The following IDI1 variants were observed in gnomAD, a reference collection of about 807,000 sequenced individuals.
The protein encoded by IDI1 is isopentenyl-diphosphate Delta-isomerase 1.
Under a neutral mutation model 32.9 loss-of-function variants are expected in IDI1, and 23 were observed. That is an observed-to-expected ratio of 0.70 (90% CI 0.50 to 0.99). IDI1 has a LOEUF of 0.99. Ranked by LOEUF, IDI1 falls within the 50% of genes least tolerant of loss-of-function variation. The probability of loss-of-function intolerance (pLI) is 0.00; values close to 1 mark genes in which losing one functional copy is unlikely to be tolerated. For missense variants in IDI1, 326 were observed against 351.9 expected (o/e 0.93, Z 0.59); for synonymous variants, 133 against 128.2 (o/e 1.04, Z -0.25).
upstream of IDI1, among the ~76,000 whole-genome samples, chr10:1,052,567 TCAG>T (rs1286146843): frequency 1.3e-5 from 2 of 152,134 alleles, no homozygotes; most frequent in Non-Finnish European, 2.9e-5. Context: ...GCACTGTAAA[TCAG>T]CAGTAATATT....
chr10:1,041,094 T>A lies in IDI1; in HGVS notation c.*93A>T. On this transcript the variant is annotated 3_prime_UTR_variant, in exon 5 of 5. Transcript: ENST00000381344. ...TACCAAATGATAGAACTAAATTTAA[T>A]GATAAATTAATGATAGAACTAAATT... is the stretch of plus-strand genomic sequence containing the variant. 2.8e-6 allele frequency: 2 copies of A among 716,048 alleles called. No individual in the cohort carries two copies. Among genetic ancestry groups the A allele is most frequent in the Non-Finnish European group, 4.6e-6 (2 of 438,220 alleles). The allele number at this position is 716,048 out of a possible 1,614,324, so 44.4% of individuals were successfully genotyped here.
At chr10:1,044,820 A>G (rs1832751834) in intron 1 of IDI1, among the ~76,000 whole-genome samples, 1 of 152,164 alleles carries the variant, frequency 6.6e-6, no homozygotes, top group Non-Finnish European at 1.5e-5. Context: ...GATAAACAGG[A>G]GAAGACTTAA....
Position 1,044,172 on chromosome 10 carries a change from C to T in IDI1, c.141-1G>A, listed in dbSNP as rs1176198456. The T allele has an allele frequency of 2.5e-6, 4 of 1,590,652 alleles. No individual in the cohort carries two copies. Among genetic ancestry groups the T allele is most frequent in the Non-Finnish European group, 3.4e-6 (4 of 1,168,742 alleles). Reference sequence around the variant, plus strand: ...AAAATGTCTGATCTGTTCTAGAACACTAATATTAAAGGAAAAGAGAAAGAA... The same window carrying T: ...AAAATGTCTGATCTGTTCTAGAACATTAATATTAAAGGAAAAGAGAAAGAA... On this transcript the variant is annotated splice_acceptor_variant, in intron 1 of 4. Coordinates refer to ENST00000381344, the MANE Select transcript of IDI1 (RefSeq NM_004508.4). LOFTEE classifies it high-confidence loss of function.
chr10:1,039,635 T>A lies in IDI1; in HGVS notation c.*1552A>T, dbSNP rs1452591905. ...TCAGGTCAAAAGACATTCCTTACATTTTCTGGATGGCATCCTAGTAATATT... is the reference window on the plus strand; with the variant it reads ...TCAGGTCAAAAGACATTCCTTACATATTCTGGATGGCATCCTAGTAATATT... On this transcript the variant is annotated 3_prime_UTR_variant, in exon 5 of 5. Transcript: ENST00000381344. 6.6e-6 allele frequency: 1 copy of A among 152,178 alleles called. No individual in the cohort carries two copies. Among genetic ancestry groups the A allele is most frequent in the Non-Finnish European group, 1.5e-5 (1 of 68,036 alleles). The allele number at this position is 152,178 out of a possible 1,614,324, so 9.4% of individuals were successfully genotyped here.
chr10:1,049,131 C>CGGGCTCTGGCGCCTTTAAGG, upstream of IDI1: 1 of 1,380,358 alleles, frequency 7.2e-7, no homozygotes, highest in African/African-American at 1.5e-5. Flanking sequence ...GCCGTGACCG[C>CGGGCTCTGGCGCCTTTAAGG]GGGCTCTGGC....
Position 1,049,030 on chromosome 10 carries a change from G to T in IDI1, c.-27C>A. 1 of 1,467,534 alleles carries T rather than the reference G, an allele frequency of 6.8e-7. No homozygotes were observed. 90.9% of individuals were successfully genotyped at this position (1,467,534 alleles called of 1,614,324 possible). On this transcript the variant is annotated 5_prime_UTR_variant, in exon 1 of 5. Transcript: ENST00000381344. ...GCCCGGCCAATTGGCGCCCGTACGC[G>T]CTTGACGACACAATCTCGCCAAGCT...
upstream of IDI1, among the ~76,000 whole-genome samples, chr10:1,051,853 T>C (rs1453991463): frequency 1.7e-4 from 26 of 152,234 alleles, no homozygotes. Context: ...ATTCTTTTCA[T>C]GAAAGATTTT....
intron 1 of IDI1, among the ~76,000 whole-genome samples, chr10:1,046,055 T>C (rs1391702810): frequency 6.6e-6 from 1 of 152,232 alleles, no homozygotes; most frequent in Admixed American, 6.5e-5. Context: ...CCAACTTCTA[T>C]AGGCTAGTTT....
At chr10:1,051,423 C>A (rs577488786), upstream of IDI1, among the ~76,000 whole-genome samples, 3 of 152,154 alleles carry the variant, frequency 2.0e-5, no homozygotes, top group African/African-American at 7.2e-5. Context: ...TTTATTTTCA[C>A]GAAAATGTCT....
intron 1 of IDI1, among the ~76,000 whole-genome samples, chr10:1,047,969 C>G (rs1312184769): frequency 6.6e-6 from 1 of 152,292 alleles, no homozygotes; most frequent in African/African-American, 2.4e-5. Flanking sequence ...ATTAGGTGAT[C>G]ACTAAGATAG....
Position 1,048,547 on chromosome 10 carries a change from T to A in IDI1, c.140+317A>T. 2.3e-6 allele frequency: 3 copies of A among 1,313,566 alleles called. No individual in the cohort carries two copies. The South Asian group carries it at 4.6e-5, about 20-fold the overall frequency. 81.4% of individuals were successfully genotyped at this position (1,313,566 alleles called of 1,614,324 possible). ...CAACTCTTAGTCTCCTGCGACTCGGTTTCCAGTTCCACGAGTTCCTAAACC... is the reference window on the plus strand; with the variant it reads ...CAACTCTTAGTCTCCTGCGACTCGGATTCCAGTTCCACGAGTTCCTAAACC... On this transcript the variant is annotated intron_variant, in intron 1 of 4. Transcript: ENST00000381344.
At chr10:1,048,781 C>T in intron 1 of IDI1, 83 bp downstream of exon 1, 1 of 1,540,418 alleles carries the variant, frequency 6.5e-7, no homozygotes, top group East Asian at 2.5e-5. Flanking sequence ...GCTCAGACCT[C>T]GGGCCTCCTC....
At chr10:1,054,292 T>A in the IDI1 span, among the ~76,000 whole-genome samples, 11 of 152,206 alleles carry the variant, frequency 7.2e-5, no homozygotes, top group African/African-American at 2.7e-4. Flanking sequence ...TTGTGCCTGT[T>A]ACATGACATA....
At chr10:1,041,575 A>C in intron 4 of IDI1, 71 bp from the exon 5 acceptor site, 2 of 790,072 alleles carry the variant, frequency 2.5e-6, no homozygotes, top group Non-Finnish European at 3.9e-6. Context: ...AAATTAGCTC[A>C]CTGTATTACA....
At chr10:1,047,964 G>A (rs370182113) in intron 1 of IDI1, among the ~76,000 whole-genome samples, 9 of 152,296 alleles carry the variant, frequency 5.9e-5, no homozygotes, top group African/African-American at 2.2e-4. Flanking sequence ...TGTATATTAG[G>A]TGATCACTAA....
At chr10:1,048,755 C>CGAGACCTCACGGGTGGCT (rs1564488663) in intron 1 of IDI1, 109 bp downstream of exon 1, 1 of 1,495,170 alleles carries the variant, frequency 6.7e-7, no homozygotes. Flanking sequence ...GCCTCCGCGC[C>CGAGACCTCACGGGTGGCT]GAGACCTCAC....
At chr10:1,045,388 T>A (rs968159975) in intron 1 of IDI1, among the ~76,000 whole-genome samples, 3 of 152,262 alleles carry the variant, frequency 2.0e-5, no homozygotes, top group Non-Finnish European at 4.4e-5. Flanking sequence ...GTTTTCTGAT[T>A]TTTCTACCCA....
chr10:1,041,586 G>C (rs188918335), intron 4 of IDI1, 82 bp from the exon 5 acceptor site: 5 of 689,338 alleles, frequency 7.3e-6, no homozygotes, highest in Admixed American at 3.0e-5. Flanking sequence ...CTGTATTACA[G>C]CGATATCTCG....
At chr10:1,048,678 C>G in intron 1 of IDI1, 186 bp downstream of exon 1, 2 of 1,413,432 alleles carry the variant, frequency 1.4e-6, no homozygotes, top group Non-Finnish European at 9.2e-7. Flanking sequence ...GGGCGCCCAC[C>G]ACAGCCCGGG....
Sources: gnomAD v4.1 joint callset for allele counts (sites outside exome capture counted in the v4.1 genomes callset) on GRCh38, gnomAD v4.1.1 for gene constraint, MANE v1.5 for transcripts, NCBI Gene and HGNC (gene_info 2026-07-23, HGNC 2026-07-21) for gene names.